Variants in RBFOX1 observed in about 807,000 individuals in gnomAD.
RBFOX1 encodes RNA binding protein fox-1 homolog 1.
Under a neutral mutation model 57.7 loss-of-function variants are expected in RBFOX1, and 8 were observed. The observed-to-expected ratio is 0.14, with a 90% CI of 0.08 to 0.25. RBFOX1 has a LOEUF of 0.25. Ranked by LOEUF, RBFOX1 falls within the 10% of genes least tolerant of loss-of-function variation. The probability of loss-of-function intolerance (pLI) is 1.00; values close to 1 mark genes in which losing one functional copy is unlikely to be tolerated. For synonymous variants in RBFOX1, 326 were observed against 222.4 expected (o/e 1.47, Z -4.15); for missense variants, 611 against 548.5 (o/e 1.11, Z -1.14).
intron 2 of RBFOX1, among the ~76,000 whole-genome samples, chr16:6,453,170 C>T (rs574670557): frequency 1.1e-4 from 16 of 152,018 alleles, no homozygotes; most frequent in African/African-American, 2.9e-4. Flanking sequence ...CGTGCAAGTT[C>T]GTTACATAGG....
In RBFOX1 at chr16:6,387,174, G is replaced by A. The variant is rs1361206546; in HGVS notation, c.-64+70117G>A. ...CCCTGAAGGATGAAGCGTTGGCCTT[G>A]AGAATAAGGCAGTTCTTGTAAGTTC... On this transcript the variant is annotated intron_variant, in intron 2 of 15. Transcript: ENST00000550418. 2.6e-5 allele frequency among the ~76,000 whole-genome samples: 4 copies of A among 152,304 alleles called. No individual in the cohort carries two copies. The East Asian group carries it at 5.8e-4, about 22-fold the overall frequency.
intron 1 of RBFOX1, among the ~76,000 whole-genome samples, chr16:6,288,606 C>G (rs1276545321): frequency 6.6e-6 from 1 of 152,144 alleles, no homozygotes; most frequent in African/African-American, 2.4e-5. Flanking sequence ...CAGGTGAGAG[C>G]TGTTGTCTGA....
chr16:6,726,996 G>A (rs1237841869), intron 3 of RBFOX1, among the ~76,000 whole-genome samples: 2 of 151,200 alleles, frequency 1.3e-5, no homozygotes, highest in Admixed American at 1.3e-4. Context: ...TGCAGACCCA[G>A]AGAAATAATG....
At chr16:7,484,670 G>A (rs755885489) in intron 4 of RBFOX1, among the ~76,000 whole-genome samples, 1 of 152,156 alleles carries the variant, frequency 6.6e-6, no homozygotes, top group Non-Finnish European at 1.5e-5. Context: ...CACCATGTTG[G>A]TCAGGCTGGT....
chr16:5,908,840 G>T (rs569124296), intron 4 of RBFOX1, among the ~76,000 whole-genome samples: 1 of 152,056 alleles, frequency 6.6e-6, no homozygotes, highest in Non-Finnish European at 1.5e-5. Flanking sequence ...AACCCATGAG[G>T]GTGAAGCCTT....
At chr16:5,328,989 C>T (rs1227968948) in intron 1 of RBFOX1, among the ~76,000 whole-genome samples, 1 of 152,196 alleles carries the variant, frequency 6.6e-6, no homozygotes, top group South Asian at 2.1e-4. Flanking sequence ...GTCTCTTGGT[C>T]TAAGCTAGCT....
At chr16:6,320,974 A>G (rs571469236) in intron 2 of RBFOX1, among the ~76,000 whole-genome samples, 1 of 152,256 alleles carries the variant, frequency 6.6e-6, no homozygotes, top group East Asian at 1.9e-4. Flanking sequence ...TTGTATTTTT[A>G]GTAGAAATGG....
At chr16:6,883,680 A>G (rs1025489810) in intron 3 of RBFOX1, among the ~76,000 whole-genome samples, 1 of 152,172 alleles carries the variant, frequency 6.6e-6, no homozygotes, top group African/African-American at 2.4e-5. Context: ...CTTGCCTCCC[A>G]CATCCAGGCT....
At chr16:5,594,810 T>A (rs1216199901) in intron 2 of RBFOX1, among the ~76,000 whole-genome samples, 2 of 151,970 alleles carry the variant, frequency 1.3e-5, no homozygotes, top group Non-Finnish European at 2.9e-5. Flanking sequence ...TATTTTACTT[T>A]TACATGTCTA....
chr16:7,313,533 G>C (rs763281850), intron 4 of RBFOX1, among the ~76,000 whole-genome samples: 1 of 148,572 alleles, frequency 6.7e-6, no homozygotes, highest in Non-Finnish European at 1.5e-5. Flanking sequence ...TCGGACAGCA[G>C]TAGGAGAGGC....
intron 4 of RBFOX1, among the ~76,000 whole-genome samples, chr16:5,944,230 A>C (rs191827629): frequency 6.6e-6 from 1 of 152,200 alleles, no homozygotes; most frequent in Non-Finnish European, 1.5e-5. Context: ...AACGAGATAC[A>C]TGGGCTACAC....
intron 4 of RBFOX1, among the ~76,000 whole-genome samples, chr16:7,071,883 G>A (rs116026823): frequency 0.01 from 1,539 of 152,084 alleles, 30 homozygotes; most frequent in African/African-American, 0.035. Context: ...TCCTAATTCA[G>A]TTGTTGAGAC....
chr16:7,380,271 TAAAATAA>T (rs886594314), intron 4 of RBFOX1, among the ~76,000 whole-genome samples: 29 of 152,306 alleles, frequency 1.9e-4, no homozygotes, highest in African/African-American at 7.0e-4. Flanking sequence ...TAGAATCGTA[TAAAATAA>T]AAAATGTTTT....
Position 7,273,246 on chromosome 16 carries a change from CT to C in RBFOX1, c.27+221150del, listed in dbSNP as rs1567986090. 2.9e-3 allele frequency among the ~76,000 whole-genome samples: 418 copies of C among 142,908 alleles called. 89 individuals carry two copies. The highest frequency in any genetic ancestry group is 0.01 in the African/African-American group (390 of 37,614). 93.8% of individuals were successfully genotyped at this position (142,908 alleles called of 152,430 possible). A position where few individuals can be genotyped will look rare whatever the true frequency, so the allele number is the denominator to read the frequency against. On this transcript the variant is annotated intron_variant, in intron 4 of 15. Transcript: ENST00000550418. Reference sequence around the variant, plus strand: ...CCTTCCTTCCTTCCTTCCTTCCTTCCTTCCTTCCTTCCTTCCTCCCTTTCTC... The same window carrying C: ...CCTTCCTTCCTTCCTTCCTTCCTTCCTCCTTCCTTCCTTCCTCCCTTTCTC...
intron 1 of RBFOX1, among the ~76,000 whole-genome samples, chr16:6,256,215 A>ATATG (rs2097663821): frequency 9.5e-6 from 1 of 105,138 alleles, no homozygotes; most frequent in Non-Finnish European, 1.8e-5. Context: ...ATATGTGTAT[A>ATATG]TATATGTATA....
Position 5,353,146 on chromosome 16 carries a change from G to T in RBFOX1, c.219+113041G>T, listed in dbSNP as rs1433596519. On this transcript the variant is annotated intron_variant, in intron 1 of 2. Coordinates refer to the RBFOX1 transcript ENST00000585867. ...CCCAGCACTTTGGGAAGCCGAGGTG[G>T]GTGGATCACCTGAGGTTAGGAGTTC... Among the ~76,000 whole-genome samples the T allele has an allele frequency of 2.6e-5, 4 of 152,198 alleles. 1 individual carries two copies. The Middle Eastern group carries it at 0.014, about 518-fold the overall frequency.
At chr16:6,738,664 C>A (rs940759609) in intron 3 of RBFOX1, among the ~76,000 whole-genome samples, 2 of 152,138 alleles carry the variant, frequency 1.3e-5, no homozygotes, top group Admixed American at 1.3e-4. Flanking sequence ...GAACCCTTTA[C>A]CCCAAAAGAG....
At chr16:5,916,243 G>A (rs1293028464) in intron 4 of RBFOX1, among the ~76,000 whole-genome samples, 1 of 152,102 alleles carries the variant, frequency 6.6e-6, no homozygotes, top group Non-Finnish European at 1.5e-5. Flanking sequence ...ACCGTAACAG[G>A]TTGGAAAGCT....
At chr16:7,233,710 G>A (rs534842602) in intron 4 of RBFOX1, among the ~76,000 whole-genome samples, 7 of 152,224 alleles carry the variant, frequency 4.6e-5, no homozygotes, top group East Asian at 1.9e-4. Flanking sequence ...CTTCCAACTC[G>A]TCTTTTATTT....
Sources: allele counts gnomAD v4.1 joint callset (sites outside exome capture counted in the v4.1 genomes callset), GRCh38; gene constraint gnomAD v4.1.1; transcripts MANE v1.5; gene names NCBI Gene and HGNC (gene_info 2026-07-23, HGNC 2026-07-21).